The following RAB38 variants were observed in gnomAD, a reference collection of about 807,000 sequenced individuals.
RAB38 encodes RAB38, member RAS oncogene family, also known as ras-related protein Rab-38.
In RAB38, 15 loss-of-function variants were observed where a neutral mutation model predicts 18.4. The ratio of observed to expected loss-of-function variants is 0.82; its 90% CI spans 0.55 to 1.26. RAB38 has a LOEUF of 1.26. Ranked by LOEUF, RAB38 falls within the 50% of genes most tolerant of loss-of-function variation. RAB38 has a pLI of 0.00. For synonymous variants in RAB38, 101 were observed against 104.4 expected (o/e 0.97, Z 0.20); for missense variants, 294 against 267.4 (o/e 1.10, Z -0.69).
At chr11:88,112,634 C>T (rs565279238), downstream of RAB38, among the ~76,000 whole-genome samples, 9 of 152,020 alleles carry the variant, frequency 5.9e-5, no homozygotes, top group South Asian at 8.3e-4. Flanking sequence ...ATTAGCTGGG[C>T]GTGGTGGCAC....
the RAB38 span, among the ~76,000 whole-genome samples, chr11:87,866,655 C>T: frequency 6.6e-6 from 1 of 151,700 alleles, no homozygotes; most frequent in Non-Finnish European, 1.5e-5. Context: ...TATTGAACTC[C>T]TACCGTGTGC....
chr11:88,175,361 G>C lies in RAB38; in HGVS notation c.24C>G (p.His8Gln). Residue 8 changes from histidine (H) to glutamine (Q), a missense_variant, in exon 1 of 3, where the codon CAC (histidine) becomes CAG (glutamine). Transcript: ENST00000243662. The stretch of plus-strand genomic sequence containing the variant: ...CGCCAATCACCAGCAACTTGTACAG[G>C]TGCTCCTTGTGCGGGGCCTGCATCC... MQAPHKE[H>Q]LYKLLVIGDL... is the part of the protein sequence containing the mutation. 6.2e-7 allele frequency: 1 copy of C among 1,614,178 alleles called. No individual in the cohort carries two copies. Among genetic ancestry groups the C allele is most frequent in the Non-Finnish European group, 8.5e-7 (1 of 1,180,034 alleles).
the RAB38 span, among the ~76,000 whole-genome samples, chr11:87,843,567 G>A: frequency 6.6e-6 from 1 of 152,122 alleles, no homozygotes. Flanking sequence ...TAAGAAAAAG[G>A]AAGCACTATT....
the RAB38 span, among the ~76,000 whole-genome samples, chr11:87,854,971 T>C: frequency 6.6e-6 from 1 of 151,984 alleles, no homozygotes. Flanking sequence ...ATTTTTTGTA[T>C]TTTTTAGTAG....
intron 2 of RAB38, among the ~76,000 whole-genome samples, chr11:88,130,244 T>G (rs1255659100): frequency 6.6e-6 from 1 of 152,082 alleles, no homozygotes; most frequent in African/African-American, 2.4e-5. Context: ...AGAAGCTAGT[T>G]TGACTACAGG....
chr11:88,083,626 TAA>T, the RAB38 span, among the ~76,000 whole-genome samples: 1 of 151,908 alleles, frequency 6.6e-6, no homozygotes, highest in Non-Finnish European at 1.5e-5. Context: ...TTGGTAGCAT[TAA>T]GAGATGGTTC....
At chr11:87,876,067 T>A in the RAB38 span, among the ~76,000 whole-genome samples, 1 of 151,618 alleles carries the variant, frequency 6.6e-6, no homozygotes, top group South Asian at 2.1e-4. Context: ...TTAGGAAGTT[T>A]GTCTCCAAAC....
chr11:87,857,083 A>T, the RAB38 span, among the ~76,000 whole-genome samples: 1 of 150,892 alleles, frequency 6.6e-6, no homozygotes, highest in African/African-American at 2.5e-5. Flanking sequence ...CTCATTGTTC[A>T]ATTCCCACCT....
the RAB38 span, among the ~76,000 whole-genome samples, chr11:88,079,710 T>A: frequency 6.6e-6 from 1 of 151,274 alleles, no homozygotes; most frequent in African/African-American, 2.4e-5. Context: ...GCAAATGGAG[T>A]TTATCCCAGG....
intron 2 of RAB38, among the ~76,000 whole-genome samples, chr11:88,149,069 C>T (rs1943029331): frequency 6.8e-6 from 1 of 146,368 alleles, no homozygotes; most frequent in East Asian, 2.0e-4. Flanking sequence ...ATACAGGATC[C>T]TTCATCTTCC....
the RAB38 span, among the ~76,000 whole-genome samples, chr11:88,076,197 C>A: frequency 6.6e-6 from 1 of 151,834 alleles, no homozygotes; most frequent in Non-Finnish European, 1.5e-5. Context: ...CAACTATATA[C>A]CAATAAATTA....
intron 2 of RAB38, among the ~76,000 whole-genome samples, chr11:88,145,741 T>C (rs186761821): frequency 3.9e-5 from 6 of 152,198 alleles, no homozygotes. Context: ...TAAGGTATGA[T>C]GTAGAGAGTA....
chr11:88,138,162 CA>C lies in RAB38; in HGVS notation c.483+11512del, dbSNP rs572670842. ...CCGTGTGCTGGCTCTACAGGGCATTCAAAAAAAAATTGCATAAGGAAAGGAG... is the reference window on the plus strand; with the variant it reads ...CCGTGTGCTGGCTCTACAGGGCATTCAAAAAAAATTGCATAAGGAAAGGAG... On this transcript the variant is annotated intron_variant, in intron 2 of 2. Coordinates refer to ENST00000243662, the MANE Select transcript of RAB38 (RefSeq NM_022337.3). 3.3e-5 allele frequency among the ~76,000 whole-genome samples: 5 copies of C among 150,128 alleles called. No individual in the cohort carries two copies. The East Asian group carries it at 7.8e-4, about 23-fold the overall frequency.
the RAB38 span, among the ~76,000 whole-genome samples, chr11:87,858,953 A>T: frequency 6.0e-4 from 91 of 151,896 alleles, 2 homozygotes; most frequent in South Asian, 0.018. Flanking sequence ...AAGTAAAAAA[A>T]AAAAATAAGC....
At chr11:87,889,526 TAATG>T in the RAB38 span, among the ~76,000 whole-genome samples, 1 of 151,948 alleles carries the variant, frequency 6.6e-6, no homozygotes, top group Non-Finnish European at 1.5e-5. Flanking sequence ...TCAGTAATAA[TAATG>T]ATAGTTATAA....
At chr11:87,941,214 G>GAGAGATATATATATATATATATAT in the RAB38 span, among the ~76,000 whole-genome samples, 1 of 62,538 alleles carries the variant, frequency 1.6e-5, no homozygotes, top group Non-Finnish European at 2.8e-5. Context: ...AAATATATGA[G>GAGAGATATATATATATATATATAT]ATATATATAT....
At chr11:87,899,855 G>A in the RAB38 span, among the ~76,000 whole-genome samples, 1 of 151,578 alleles carries the variant, frequency 6.6e-6, no homozygotes, top group Admixed American at 6.6e-5. Context: ...TAGAAACAGT[G>A]ATTATTTGAA....
At chr11:88,114,507 A>G (rs982188404) in intron 2 of RAB38, among the ~76,000 whole-genome samples, 1 of 152,208 alleles carries the variant, frequency 6.6e-6, no homozygotes, top group African/African-American at 2.4e-5. Flanking sequence ...CCTCTGCCAC[A>G]TACTATTTTT....
chr11:88,007,332 C>T, the RAB38 span, among the ~76,000 whole-genome samples: 1 of 137,662 alleles, frequency 7.3e-6, no homozygotes, highest in East Asian at 2.2e-4. Context: ...ACACTGTTAA[C>T]AAAATAATTC....
Sources: gnomAD v4.1 joint callset for allele counts (sites outside exome capture counted in the v4.1 genomes callset) on GRCh38, gnomAD v4.1.1 for gene constraint, MANE v1.5 for transcripts, NCBI Gene and HGNC (gene_info 2026-07-23, HGNC 2026-07-21) for gene names.